HAUS6: variants seen among roughly 807,000 people sequenced by gnomAD.
HAUS6 encodes the protein HAUS augmin like complex subunit 6, also known as HAUS augmin-like complex subunit 6.
In HAUS6, 80 loss-of-function variants were observed where a neutral mutation model predicts 106.8. The observed-to-expected ratio is 0.75, with a 90% CI of 0.63 to 0.90. The LOEUF (loss-of-function observed/expected upper bound fraction) is 0.90, where lower values mean the gene tolerates loss of function less well. HAUS6 is among the 40% of genes least tolerant of loss of function. HAUS6 has a pLI of 0.00. For missense variants in HAUS6, 1,155 were observed against 1,118.1 expected (o/e 1.03, Z -0.47); for synonymous variants, 356 against 379.1 (o/e 0.94, Z 0.71).
intron 12 of HAUS6, among the ~76,000 whole-genome samples, chr9:19,066,329 C>T (rs1470386234): frequency 2.6e-5 from 4 of 151,978 alleles, no homozygotes; most frequent in Admixed American, 6.6e-5. Context: ...AAAACTTTAA[C>T]CAATTATTTC....
In HAUS6 at chr9:19,096,663, T is replaced by C; in HGVS notation, c.224+11A>G. 1.7e-6 allele frequency: 2 copies of C among 1,196,538 alleles called. No individual in the cohort carries two copies. Among genetic ancestry groups the C allele is most frequent in the South Asian group, 1.4e-5 (1 of 73,600 alleles). The allele number at this position is 1,196,538 out of a possible 1,614,324, so 74.1% of individuals were successfully genotyped here. A position where few individuals can be genotyped will look rare whatever the true frequency, so the allele number is the denominator to read the frequency against. On this transcript the variant is annotated intron_variant, in intron 2 of 16. Coordinates refer to ENST00000380502, the MANE Select transcript of HAUS6 (RefSeq NM_017645.5). The stretch of plus-strand genomic sequence containing the variant: ...AAAGAAATTTAAGAAAATGAAATTA[T>C]TTTTCCTTACTTGAAAACTTCTTTG...
chr9:19,095,878 T>C (rs1817850440), intron 2 of HAUS6, among the ~76,000 whole-genome samples: 1 of 152,118 alleles, frequency 6.6e-6, no homozygotes, highest in Admixed American at 6.6e-5. Flanking sequence ...GTAAATGTAA[T>C]AGGAATGATT....
chr9:19,093,357 C>A (rs1030352259), intron 3 of HAUS6, 54 bp from the exon 4 acceptor site: 5 of 1,409,930 alleles, frequency 3.5e-6, no homozygotes, highest in African/African-American at 2.9e-5. Flanking sequence ...ATAACTCTTA[C>A]ATTTACATCA....
intron 10 of HAUS6, among the ~76,000 whole-genome samples, chr9:19,077,852 G>A (rs944504496): frequency 6.6e-6 from 1 of 152,098 alleles, no homozygotes; most frequent in East Asian, 1.9e-4. Flanking sequence ...CTTGAGCCCA[G>A]GAGTTTGAGA....
chr9:19,072,025 A>G (rs959774476), intron 11 of HAUS6, among the ~76,000 whole-genome samples: 3 of 144,150 alleles, frequency 2.1e-5, no homozygotes, highest in African/African-American at 7.6e-5. Context: ...CCCCGTCTCT[A>G]CTAAAAATAC....
chr9:19,096,729 T>G lies in HAUS6; in HGVS notation c.169A>C (p.Ile57Leu), dbSNP rs1406996393. 4 of 1,568,796 alleles carry G rather than the reference T, an allele frequency of 2.5e-6. No homozygotes were observed. Among genetic ancestry groups the G allele is most frequent in the East Asian group, 4.6e-5 (2 of 43,752 alleles). The change falls in exon 2 of 17, where the codon ATT becomes CTT. Residue 57 changes from isoleucine to leucine, a missense_variant. By Grantham distance (5) the Ile-to-Leu change is conservative. Coordinates refer to ENST00000380502, the MANE Select transcript of HAUS6 (RefSeq NM_017645.5). ...AGAACTTGAAACAAAAAATAAGAAA[T>G]TATATGAAAGGCATCACGGTTCAGC... ...DKLNRDAFHI[I>L]SYFLFQVLDQ... is the part of the protein sequence containing the mutation.
intron 10 of HAUS6, 100 bp downstream of exon 10, chr9:19,078,076 G>A (rs1792001025): frequency 2.3e-6 from 2 of 870,870 alleles, no homozygotes; most frequent in Non-Finnish European, 3.6e-6. Flanking sequence ...CTATGATCGT[G>A]CCACTCTACT....
intron 2 of HAUS6, among the ~76,000 whole-genome samples, chr9:19,095,565 A>G (rs72696488): frequency 0.035 from 5,297 of 152,144 alleles, 114 homozygotes; most frequent in Non-Finnish European, 0.051. Flanking sequence ...ATACCTTAAT[A>G]ATAGGGAATT....
At chr9:19,081,136 G>A (rs191672734) in intron 8 of HAUS6, among the ~76,000 whole-genome samples, 404 of 151,616 alleles carry the variant, frequency 2.7e-3, no homozygotes, top group African/African-American at 3.2e-3. Context: ...ATAAAATGAC[G>A]TAAATAATTT....
chr9:19,087,276 G>A, intron 5 of HAUS6, 120 bp from the exon 6 acceptor site: 1 of 679,506 alleles, frequency 1.5e-6, no homozygotes. Flanking sequence ...CCACCAGCAA[G>A]CTAAAGGACT....
Position 19,087,084 on chromosome 9 carries a change from CACTT to C in HAUS6, c.650+3_650+6del, listed in dbSNP as rs761170971. ...TAAGGCAACTTCTAGCTCTAAAAGT[CACTT>C]ACTTCTTTATTTGGTTTTCCAATCC... is the stretch of plus-strand genomic sequence containing the variant. On this transcript the variant is annotated splice_donor_5th_base_variant and intron_variant, in intron 6 of 16. Coordinates refer to ENST00000380502, the MANE Select transcript of HAUS6 (RefSeq NM_017645.5). 3 of 1,380,904 alleles carry C rather than the reference CACTT, an allele frequency of 2.2e-6. No individual in the cohort carries two copies. Among genetic ancestry groups the C allele is most frequent in the Non-Finnish European group, 3.1e-6 (3 of 967,784 alleles). 85.5% of individuals were successfully genotyped at this position (1,380,904 alleles called of 1,614,324 possible). A position where few individuals can be genotyped will look rare whatever the true frequency, so the allele number is the denominator to read the frequency against.
At chr9:19,061,335 T>G (rs1480664362) in intron 14 of HAUS6, among the ~76,000 whole-genome samples, 1 of 152,226 alleles carries the variant, frequency 6.6e-6, no homozygotes, top group Non-Finnish European at 1.5e-5. Context: ...CATGAAATTT[T>G]AAGACTTTCC....
At chr9:19,063,984 T>TTTTTTA (rs1836700615) in intron 12 of HAUS6, among the ~76,000 whole-genome samples, 2 of 151,698 alleles carry the variant, frequency 1.3e-5, no homozygotes, top group Non-Finnish European at 2.9e-5. Context: ...TTTTTTTTTT[T>TTTTTTA]GAGACGGAGT....
At chr9:19,073,591 T>G (rs1413449987) in intron 11 of HAUS6, among the ~76,000 whole-genome samples, 1 of 143,182 alleles carries the variant, frequency 7.0e-6, no homozygotes, top group East Asian at 2.0e-4. Context: ...CTTTCCCAAC[T>G]GAAATGAAAA....
chr9:19,094,869 A>T (rs1405862393), intron 2 of HAUS6, among the ~76,000 whole-genome samples: 2 of 152,106 alleles, frequency 1.3e-5, no homozygotes, highest in Admixed American at 1.3e-4. Flanking sequence ...GAGAAATTTA[A>T]TTTTTTTATT....
intron 2 of HAUS6, among the ~76,000 whole-genome samples, chr9:19,095,258 C>T (rs1415574969): frequency 5.3e-5 from 8 of 152,100 alleles, no homozygotes; most frequent in Non-Finnish European, 1.2e-4. Flanking sequence ...AATTTACCTA[C>T]TGCTTTCCTT....
At chr9:19,056,546 C>T in intron 16 of HAUS6, 142 bp from the exon 17 acceptor site, 1 of 590,414 alleles carries the variant, frequency 1.7e-6, no homozygotes, top group Admixed American at 2.9e-5. Flanking sequence ...TATTATTATT[C>T]TCACCAAAGT....
chr9:19,073,655 A>G (rs541752651), intron 11 of HAUS6, among the ~76,000 whole-genome samples: 107 of 151,776 alleles, frequency 7.0e-4, no homozygotes, highest in African/African-American at 1.7e-3. Context: ...AAAAAAAAAA[A>G]AGAGAGAAAT....
At chr9:19,072,630 T>A (rs879613310) in intron 11 of HAUS6, among the ~76,000 whole-genome samples, 3 of 152,132 alleles carry the variant, frequency 2.0e-5, no homozygotes, top group Admixed American at 2.0e-4. Flanking sequence ...AATGTCAATC[T>A]AGAATTCTAT....
Sources: allele counts gnomAD v4.1 joint callset (sites outside exome capture counted in the v4.1 genomes callset), GRCh38; gene constraint gnomAD v4.1.1; transcripts MANE v1.5; gene names NCBI Gene and HGNC (gene_info 2026-07-23, HGNC 2026-07-21).